The following SUCLG2 variants were observed in gnomAD, a reference collection of about 807,000 sequenced individuals.
The protein encoded by SUCLG2 is succinate-CoA ligase GDP-forming subunit beta.
SUCLG2 carries 42 observed loss-of-function variants against 47.9 expected under a neutral mutation model. The ratio of observed to expected loss-of-function variants is 0.88; its 90% CI spans 0.69 to 1.14. SUCLG2 has a LOEUF of 1.14. Among genes scored for constraint, SUCLG2 ranks in the 50% most tolerant of loss-of-function variants. SUCLG2 has a pLI of 0.00. For synonymous variants in SUCLG2, 195 were observed against 197.3 expected (o/e 0.99, Z 0.10); for missense variants, 571 against 525.9 (o/e 1.09, Z -0.84).
intron 9 of SUCLG2, among the ~76,000 whole-genome samples, chr3:67,433,428 C>A (rs1207560755): frequency 6.6e-6 from 1 of 152,070 alleles, no homozygotes; most frequent in African/African-American, 2.4e-5. Flanking sequence ...CGGATGTGAG[C>A]CGTGATGCCC....
chr3:67,452,058 G>T (rs1704069423), intron 9 of SUCLG2, among the ~76,000 whole-genome samples: 1 of 152,116 alleles, frequency 6.6e-6, no homozygotes, highest in African/African-American at 2.4e-5. Context: ...ATTGTGGAAA[G>T]ATACTTTGCC....
intron 9 of SUCLG2, among the ~76,000 whole-genome samples, chr3:67,461,357 A>T (rs74280228): frequency 0.033 from 4,969 of 152,258 alleles, 130 homozygotes; most frequent in East Asian, 0.12. Context: ...TAGATTATAT[A>T]TTTAAGTGAT....
chr3:67,389,236 A>G (rs1004034817), intron 10 of SUCLG2, among the ~76,000 whole-genome samples: 1 of 152,184 alleles, frequency 6.6e-6, no homozygotes, highest in South Asian at 2.1e-4. Flanking sequence ...AACCAGAAGA[A>G]TGATGGCATA....
At chr3:67,569,297 T>C (rs911370079) in intron 2 of SUCLG2, among the ~76,000 whole-genome samples, 3 of 152,242 alleles carry the variant, frequency 2.0e-5, no homozygotes, top group Non-Finnish European at 4.4e-5. Flanking sequence ...TACAACTATT[T>C]GCCCAGATGC....
chr3:67,426,023 C>A (rs1482720717), intron 9 of SUCLG2, among the ~76,000 whole-genome samples: 1 of 152,220 alleles, frequency 6.6e-6, no homozygotes, highest in African/African-American at 2.4e-5. Context: ...CAATTACCAA[C>A]TGTCTCACTT....
intron 1 of SUCLG2, among the ~76,000 whole-genome samples, chr3:67,626,005 T>C (rs995326841): frequency 2.0e-5 from 3 of 146,924 alleles, no homozygotes; most frequent in African/African-American, 7.7e-5. Context: ...TAGGAGTAGC[T>C]ACATATATAT....
chr3:67,592,718 C>CA (rs754866312), intron 2 of SUCLG2, among the ~76,000 whole-genome samples: 55,575 of 80,102 alleles, frequency 0.69, 16,237 homozygotes, highest in Admixed American at 0.77. Flanking sequence ...TCACATCCTC[C>CA]AAAAAAAAAA....
intron 9 of SUCLG2, among the ~76,000 whole-genome samples, chr3:67,478,062 G>A (rs749077784): frequency 3.4e-4 from 52 of 152,146 alleles, no homozygotes; most frequent in Non-Finnish European, 6.2e-4. Context: ...AGTTGCCCAA[G>A]GCCAAGCAGT....
At chr3:67,376,640 T>G (rs768424328) in intron 10 of SUCLG2, 5 of 395,462 alleles carry the variant, frequency 1.3e-5, no homozygotes, top group Non-Finnish European at 1.7e-5. Context: ...CTTGGAGAAC[T>G]TGCCTTACCA....
chr3:67,573,178 A>T (rs1353125350), intron 2 of SUCLG2, among the ~76,000 whole-genome samples: 1 of 152,166 alleles, frequency 6.6e-6, no homozygotes. Flanking sequence ...ATAAATGGAG[A>T]GCTATTCCAT....
At chr3:67,461,382 A>G (rs958436772) in intron 9 of SUCLG2, among the ~76,000 whole-genome samples, 2 of 152,170 alleles carry the variant, frequency 1.3e-5, no homozygotes, top group Non-Finnish European at 2.9e-5. Context: ...GTATTCTGGC[A>G]AGTAAAAACA....
downstream of SUCLG2, among the ~76,000 whole-genome samples, chr3:67,370,645 G>C (rs918632943): frequency 5.3e-5 from 8 of 152,118 alleles, no homozygotes; most frequent in Non-Finnish European, 1.2e-4. Context: ...CTTATGGAAA[G>C]GTTTAATTTA....
intron 10 of SUCLG2, among the ~76,000 whole-genome samples, chr3:67,398,656 C>G (rs1271082648): frequency 6.6e-6 from 1 of 152,044 alleles, no homozygotes; most frequent in Non-Finnish European, 1.5e-5. Context: ...TTTGACCCAG[C>G]AATCCCATTA....
intron 2 of SUCLG2, among the ~76,000 whole-genome samples, chr3:67,560,901 T>G (rs1054245157): frequency 6.6e-6 from 1 of 151,328 alleles, no homozygotes; most frequent in Non-Finnish European, 1.5e-5. Context: ...TTAAAACAGA[T>G]AAGCTCCCCT....
intron 9 of SUCLG2, among the ~76,000 whole-genome samples, chr3:67,441,803 A>G (rs568016418): frequency 6.6e-6 from 1 of 152,214 alleles, no homozygotes; most frequent in Non-Finnish European, 1.5e-5. Context: ...AAAATAACTC[A>G]GAATATTTCC....
chr3:67,550,103 A>G (rs1023564002), intron 2 of SUCLG2, among the ~76,000 whole-genome samples: 5 of 152,022 alleles, frequency 3.3e-5, no homozygotes, highest in African/African-American at 9.7e-5. Context: ...CTGATTGAAC[A>G]CCAGCCGTAT....
chr3:67,402,569 A>C (rs1702710556), intron 9 of SUCLG2, among the ~76,000 whole-genome samples: 1 of 152,268 alleles, frequency 6.6e-6, no homozygotes, highest in Non-Finnish European at 1.5e-5. Flanking sequence ...GGCTTGGTAC[A>C]GCAGTAGTTT....
intron 9 of SUCLG2, among the ~76,000 whole-genome samples, chr3:67,453,075 A>G (rs529833229): frequency 3.9e-5 from 6 of 152,158 alleles, no homozygotes; most frequent in Non-Finnish European, 8.8e-5. Flanking sequence ...CGTGCCCAAC[A>G]TCTTCAGCAT....
In SUCLG2 at chr3:67,485,289, A is replaced by G. The variant is rs146355531; in HGVS notation, c.1062+10509T>C. 4.3e-4 allele frequency among the ~76,000 whole-genome samples: 66 copies of G among 152,266 alleles called. No homozygotes were observed. The East Asian group carries it at 0.012, about 27-fold the overall frequency. ...TGAATTATGTTAATTTTCCTTTTTT[A>G]TTGTTATAAAACTGTTATGTACCCC... On this transcript the variant is annotated intron_variant, in intron 9 of 10. Transcript: ENST00000307227.
Sources: allele counts gnomAD v4.1 joint callset (sites outside exome capture counted in the v4.1 genomes callset), GRCh38; gene constraint gnomAD v4.1.1; transcripts MANE v1.5; gene names NCBI Gene and HGNC (gene_info 2026-07-23, HGNC 2026-07-21).